The following PAPSS1 variants were observed in gnomAD, a reference collection of about 807,000 sequenced individuals.
PAPSS1 encodes the protein 3'-phosphoadenosine 5'-phosphosulfate synthase 1.
A neutral mutation model predicts 72.0 loss-of-function variants in PAPSS1; 50 were observed. That is an observed-to-expected ratio of 0.69 (90% CI 0.55 to 0.88). The LOEUF (loss-of-function observed/expected upper bound fraction) is 0.88, where lower values mean the gene tolerates loss of function less well. Ranked by LOEUF, PAPSS1 falls within the 40% of genes least tolerant of loss-of-function variation. PAPSS1 has a pLI of 0.00. For missense variants in PAPSS1, 657 were observed against 782.2 expected (o/e 0.84, Z 1.91); for synonymous variants, 261 against 263.6 (o/e 0.99, Z 0.09).
Position 107,703,776 on chromosome 4 carries a change from G to A in PAPSS1, c.61-2491C>T, listed in dbSNP as rs372361928. On this transcript the variant is annotated intron_variant, in intron 1 of 11. Transcript: ENST00000265174. ...GCTTCAGAGTGTGTTTTAAAGTTAC[G>A]TAATGTTAATACCTCCCGCTTTGTT... Among the ~76,000 whole-genome samples the A allele has an allele frequency of 8.5e-5, 13 of 152,274 alleles. No homozygotes were observed. In the East Asian group the frequency reaches 2.3e-3, roughly 27 times the overall value.
intron 10 of PAPSS1, among the ~76,000 whole-genome samples, chr4:107,641,546 A>G (rs1292337043): frequency 6.6e-6 from 1 of 152,152 alleles, no homozygotes; most frequent in Non-Finnish European, 1.5e-5. Context: ...ATCCTCTCTG[A>G]GCTTCAGTAA....
intron 5 of PAPSS1, among the ~76,000 whole-genome samples, chr4:107,661,986 AT>A (rs1412853691): frequency 6.6e-6 from 1 of 152,192 alleles, no homozygotes; most frequent in Non-Finnish European, 1.5e-5. Flanking sequence ...CAGTTCAGCA[AT>A]GGCTAAATAT....
At chr4:107,669,658 T>G (rs17618609) in intron 5 of PAPSS1, among the ~76,000 whole-genome samples, 29,577 of 152,160 alleles carry the variant, frequency 0.19, 3,161 homozygotes, top group East Asian at 0.37. Context: ...CATTGGGAAG[T>G]GAAGTCATTT....
chr4:107,637,699 C>G (rs1394687491), intron 10 of PAPSS1, among the ~76,000 whole-genome samples: 1 of 152,126 alleles, frequency 6.6e-6, no homozygotes, highest in Non-Finnish European at 1.5e-5. Flanking sequence ...ATAAGGCCAA[C>G]TTTATATTCT....
chr4:107,684,721 C>T (rs1722727459), intron 4 of PAPSS1, among the ~76,000 whole-genome samples: 1 of 152,164 alleles, frequency 6.6e-6, no homozygotes, highest in African/African-American at 2.4e-5. Flanking sequence ...GCTCCCCGCA[C>T]CACCTGGCTT....
At chr4:107,659,832 A>G (rs1727123631) in intron 6 of PAPSS1, 127 bp downstream of exon 6, 3 of 530,262 alleles carry the variant, frequency 5.7e-6, no homozygotes, top group Admixed American at 1.0e-4. Context: ...TGTGACATAT[A>G]CCACAACATC....
intron 11 of PAPSS1, among the ~76,000 whole-genome samples, chr4:107,616,767 C>T (rs1448409090): frequency 6.6e-6 from 1 of 152,138 alleles, no homozygotes; most frequent in Non-Finnish European, 1.5e-5. Context: ...AGACAAAAAA[C>T]TAACATGCAT....
At chr4:107,649,228 G>A (rs1186902913) in intron 9 of PAPSS1, among the ~76,000 whole-genome samples, 1 of 152,230 alleles carries the variant, frequency 6.6e-6, no homozygotes, top group Non-Finnish European at 1.5e-5. Context: ...AGGATGGACG[G>A]AGAAAAGTTT....
At chr4:107,616,431 T>C (rs992352573) in intron 11 of PAPSS1, among the ~76,000 whole-genome samples, 5 of 152,076 alleles carry the variant, frequency 3.3e-5, no homozygotes, top group South Asian at 2.1e-4. Flanking sequence ...CAGTAAAAAA[T>C]ACATCTGAAT....
At chr4:107,674,163 G>A (rs934949855) in intron 5 of PAPSS1, among the ~76,000 whole-genome samples, 119 of 152,242 alleles carry the variant, frequency 7.8e-4, no homozygotes, top group African/African-American at 2.8e-3. Flanking sequence ...ATAATGACAG[G>A]ATCAAATTCA....
At chr4:107,639,145 T>G (rs1287738287) in intron 10 of PAPSS1, among the ~76,000 whole-genome samples, 1 of 152,210 alleles carries the variant, frequency 6.6e-6, no homozygotes, top group African/African-American at 2.4e-5. Context: ...GAACAAATTC[T>G]GAACTGAAAC....
chr4:107,672,388 G>A (rs538715603), intron 5 of PAPSS1, among the ~76,000 whole-genome samples: 2 of 152,312 alleles, frequency 1.3e-5, no homozygotes, highest in East Asian at 1.9e-4. Context: ...CTTTTCCAAC[G>A]GTCTTAGCAA....
intron 1 of PAPSS1, among the ~76,000 whole-genome samples, chr4:107,718,692 C>A (rs1343427535): frequency 6.6e-6 from 1 of 152,212 alleles, no homozygotes; most frequent in African/African-American, 2.4e-5. Context: ...AGAATACGCA[C>A]CATGTGGCAA....
At chr4:107,697,697 T>G (rs1723104888) in intron 2 of PAPSS1, among the ~76,000 whole-genome samples, 1 of 152,082 alleles carries the variant, frequency 6.6e-6, no homozygotes, top group African/African-American at 2.4e-5. Flanking sequence ...AGATAAGCAA[T>G]CCAAATCTAA....
chr4:107,638,117 A>C (rs778362721), intron 10 of PAPSS1, among the ~76,000 whole-genome samples: 30 of 152,230 alleles, frequency 2.0e-4, no homozygotes, highest in Non-Finnish European at 4.3e-4. Context: ...TGTATTAATA[A>C]AACTGATATT....
At chr4:107,698,271 A>G (rs1246406917) in intron 2 of PAPSS1, among the ~76,000 whole-genome samples, 1 of 152,232 alleles carries the variant, frequency 6.6e-6, no homozygotes, top group South Asian at 2.1e-4. Flanking sequence ...GCAAGAAAAA[A>G]ACAAATCTTG....
Position 107,703,929 on chromosome 4 carries a change from C to A in PAPSS1, c.61-2644G>T, listed in dbSNP as rs186559227. ...TAGGGATTGCATTGAATCTGTAGAT[C>A]ACTTTAAGTAGTATGGACATTTTAA... On this transcript the variant is annotated intron_variant, in intron 1 of 11. Transcript: ENST00000265174. 1.2e-4 allele frequency among the ~76,000 whole-genome samples: 18 copies of A among 152,286 alleles called. No homozygotes were observed. The East Asian group carries it at 3.3e-3, about 28-fold the overall frequency.
At chr4:107,620,633 C>T (rs1725930530) in intron 11 of PAPSS1, among the ~76,000 whole-genome samples, 1 of 152,140 alleles carries the variant, frequency 6.6e-6, no homozygotes, top group South Asian at 2.1e-4. Flanking sequence ...AATTTCTCAA[C>T]AGAGATGATT....
At chr4:107,672,926 C>A (rs1210900790) in intron 5 of PAPSS1, among the ~76,000 whole-genome samples, 1 of 152,208 alleles carries the variant, frequency 6.6e-6, no homozygotes, top group Admixed American at 6.5e-5. Context: ...TCTGCAGCCT[C>A]CGCTGCTGAT....
Sources: gnomAD v4.1 joint callset for allele counts (sites outside exome capture counted in the v4.1 genomes callset) on GRCh38, gnomAD v4.1.1 for gene constraint, MANE v1.5 for transcripts, NCBI Gene and HGNC (gene_info 2026-07-23, HGNC 2026-07-21) for gene names.